The following ASXL3 variants were observed in gnomAD, a reference collection of about 807,000 sequenced individuals.
ASXL3 encodes the protein ASXL transcriptional regulator 3.
In ASXL3, 34 loss-of-function variants were observed where a neutral mutation model predicts 170.6. That is an observed-to-expected ratio of 0.20 (90% CI 0.15 to 0.27). ASXL3 has a LOEUF of 0.27. Ranked by LOEUF, ASXL3 falls within the 10% of genes least tolerant of loss-of-function variation. The probability of loss-of-function intolerance (pLI) is 1.00; values close to 1 mark genes in which losing one functional copy is unlikely to be tolerated. For synonymous variants in ASXL3, 1,002 were observed against 989.1 expected (o/e 1.01, Z -0.24); for missense variants, 2,592 against 2,695.3 (o/e 0.96, Z 0.85).
chr18:33,745,325 A>G lies in ASXL3; in HGVS notation c.5477A>G (p.His1826Arg), dbSNP rs374472933. ...CTCCAAATGAGAAAGCGAGAAAACC[A>G]CCCCAAAAAGAGAGTAGCTAGGACT... ...APLQMRKREN[H>R]PKKRVARTVG... is the part of the protein sequence containing the mutation. Residue 1826 changes from histidine to arginine, a missense_variant, in exon 12 of 12, where the codon CAC (histidine) becomes CGC (arginine). His to Arg is a conservative substitution (Grantham distance 29). Around this residue, in one of 4 missense-constraint regions of ASXL3, gnomAD observed 2,246 missense variants for 2,219.6 expected, o/e 1.01. Transcript: ENST00000269197. The G allele has an allele frequency of 2.5e-6, 4 of 1,613,762 alleles. No individual in the cohort carries two copies. Among genetic ancestry groups the G allele is most frequent in the Non-Finnish European group, 2.5e-6 (3 of 1,179,878 alleles).
chr18:33,637,117 C>A (rs2065780036), intron 2 of ASXL3, among the ~76,000 whole-genome samples: 1 of 152,064 alleles, frequency 6.6e-6, no homozygotes, highest in African/African-American at 2.4e-5. Flanking sequence ...AAAAAGAGAG[C>A]TTTTGCACAT....
intron 2 of ASXL3, among the ~76,000 whole-genome samples, chr18:33,633,536 C>A (rs989933934): frequency 2.0e-5 from 3 of 152,018 alleles, no homozygotes; most frequent in African/African-American, 7.2e-5. Flanking sequence ...TATTTGTAAG[C>A]AGAATATACA....
At position 33,603,549 on chromosome 18, in the gene ASXL3, T is replaced by G. The variant is rs570441043; in HGVS notation, c.55-4045T>G. Among the ~76,000 whole-genome samples, 53 of 152,082 alleles carry G rather than the reference T, an allele frequency of 3.5e-4. No homozygotes were observed. In the South Asian group the frequency reaches 0.01, roughly 29 times the overall value. ...ATAGGCCCTGATAGAGTTAGTTAGATAAGAAGGTGGAATGTAATGGTATGT... is the reference window on the plus strand; with the variant it reads ...ATAGGCCCTGATAGAGTTAGTTAGAGAAGAAGGTGGAATGTAATGGTATGT... On this transcript the variant is annotated intron_variant, in intron 1 of 11. Coordinates refer to ENST00000269197, the MANE Select transcript of ASXL3 (RefSeq NM_030632.3).
Position 33,629,639 on chromosome 18 carries a change from G to A in ASXL3, c.138-15255G>A, listed in dbSNP as rs77351991. On this transcript the variant is annotated intron_variant, in intron 2 of 11. Transcript: ENST00000269197. The stretch of plus-strand genomic sequence containing the variant: ...TTACATTTACATATTCTCCTTTTTC[G>A]TTATTGGAATTGCTCTCTGGAGAGT... Among the ~76,000 whole-genome samples, 912 of 151,752 alleles carry A rather than the reference G, an allele frequency of 6.0e-3. 4 individuals are homozygous for A. The highest frequency in any genetic ancestry group is 9.6e-3 in the Non-Finnish European group (652 of 67,826).
chr18:33,749,532 C>T lies in ASXL3; in HGVS notation c.*2937C>T, dbSNP rs2067851706. The T allele has an allele frequency of 6.6e-6, 1 of 151,834 alleles. No homozygotes were observed. The highest frequency in any genetic ancestry group is 2.4e-5 in the African/African-American group (1 of 41,312). The allele number at this position is 151,834 out of a possible 1,614,324, so 9.4% of individuals were successfully genotyped here. ...AAACTGCTATTCCCTAATCCTCCTCCTATAAGATATGCATATGCCTGAGGT... is the reference window on the plus strand; with the variant it reads ...AAACTGCTATTCCCTAATCCTCCTCTTATAAGATATGCATATGCCTGAGGT... On this transcript the variant is annotated 3_prime_UTR_variant, in exon 12 of 12. Coordinates refer to ENST00000269197, the MANE Select transcript of ASXL3 (RefSeq NM_030632.3).
Position 33,602,577 on chromosome 18 carries a change from A to G in ASXL3, c.55-5017A>G, listed in dbSNP as rs148671365. 4.9e-3 allele frequency among the ~76,000 whole-genome samples: 740 copies of G among 152,256 alleles called. 5 individuals are homozygous for G. The highest frequency in any genetic ancestry group is 7.5e-3 in the Non-Finnish European group (510 of 68,024). The stretch of plus-strand genomic sequence containing the variant: ...AGGGAATGTTAAACATATTAATTCT[A>G]AGTCTTTTGTAATAATGGAAAGCCC... On this transcript the variant is annotated intron_variant, in intron 1 of 11. Transcript: ENST00000269197.
In ASXL3 at chr18:33,745,632, A is replaced by T; in HGVS notation, c.5784A>T (p.Arg1928Ser). The T allele has an allele frequency of 6.2e-7, 1 of 1,613,976 alleles. No homozygotes were observed. Residue 1928 changes from arginine to serine, a missense_variant, in exon 12 of 12, where the codon AGA becomes AGT. By Grantham distance (110) the Arg-to-Ser change is moderately radical. Around this residue, in one of 4 missense-constraint regions of ASXL3, gnomAD observed 2,246 missense variants for 2,219.6 expected, o/e 1.01. Coordinates refer to ENST00000269197, the MANE Select transcript of ASXL3 (RefSeq NM_030632.3). ...ACACTGACGCTGGTACCTCACACAGACAGCAGTTTTACCAAATGCCTGTGG... is the reference window on the plus strand; with the variant it reads ...ACACTGACGCTGGTACCTCACACAGTCAGCAGTTTTACCAAATGCCTGTGG... ...GFHTDAGTSH[R>S]QQFYQMPVAA... is the part of the protein sequence containing the mutation.
rs760654458 is a variant in ASXL3 at position 33,739,837 on chromosome 18, CATA to C, written c.2436_2438del (p.Ile812del). 1.2e-6 allele frequency: 2 copies of C among 1,613,894 alleles called. No homozygotes were observed. The highest frequency in any genetic ancestry group is 1.3e-5 in the African/African-American group (1 of 75,018). ...ATCTGTCTAATACTCCCGAACCCATCATAATGAGTTCTTCTTCCATTGCTCCTG... is the reference window on the plus strand; with the variant it reads ...ATCTGTCTAATACTCCCGAACCCATCATGAGTTCTTCTTCCATTGCTCCTG... On this transcript the variant is annotated inframe_deletion, in exon 11 of 12. Transcript: ENST00000269197.
chr18:33,630,428 A>T (rs2065660667), intron 2 of ASXL3, among the ~76,000 whole-genome samples: 2 of 151,648 alleles, frequency 1.3e-5, no homozygotes, highest in African/African-American at 4.8e-5. Context: ...AAGTATGTTT[A>T]TATGGTAGCA....
At chr18:33,662,824 A>T (rs2066196142) in intron 5 of ASXL3, among the ~76,000 whole-genome samples, 1 of 152,176 alleles carries the variant, frequency 6.6e-6, no homozygotes, top group African/African-American at 2.4e-5. Context: ...GTTTTCTAAA[A>T]TAGAGTTTTT....
At chr18:33,615,266 T>C (rs1387990569) in intron 2 of ASXL3, among the ~76,000 whole-genome samples, 1 of 152,190 alleles carries the variant, frequency 6.6e-6, no homozygotes, top group Non-Finnish European at 1.5e-5. Context: ...GTTATGGAGA[T>C]GGCTTCTTTC....
intron 1 of ASXL3, among the ~76,000 whole-genome samples, chr18:33,592,827 A>G (rs904824973): frequency 2.0e-5 from 3 of 152,146 alleles, no homozygotes; most frequent in Non-Finnish European, 4.4e-5. Context: ...TCTCCATTAC[A>G]TTAAATTGAT....
rs555071852 is a variant in ASXL3 at position 33,616,691 on chromosome 18, GAA to G, written c.137+9017_137+9018del. On this transcript the variant is annotated intron_variant, in intron 2 of 11. Transcript: ENST00000269197. ...TTTTTTCTCACAGTTCTGGAAGACA[GAA>G]AGCCCAGATTAAGGTTGGCAGTGTC... The G allele has an allele frequency of 1.3e-3, 194 of 152,266 alleles. No individual in the cohort carries two copies. The highest frequency in any genetic ancestry group is 4.4e-3 in the African/African-American group (181 of 41,564). 9.4% of individuals were successfully genotyped at this position (152,266 alleles called of 1,614,324 possible).
chr18:33,650,603 G>A (rs1285927628), intron 4 of ASXL3, among the ~76,000 whole-genome samples: 3 of 152,106 alleles, frequency 2.0e-5, no homozygotes, highest in Non-Finnish European at 4.4e-5. Flanking sequence ...GATAGCATGA[G>A]AGCACTCAGC....
At chr18:33,695,812 T>A (rs1252454228) in intron 8 of ASXL3, among the ~76,000 whole-genome samples, 1 of 152,168 alleles carries the variant, frequency 6.6e-6, no homozygotes, top group Non-Finnish European at 1.5e-5. Context: ...TTTGTCCATG[T>A]ATAATCCACT....
chr18:33,629,466 T>A (rs1446181180), intron 2 of ASXL3, among the ~76,000 whole-genome samples: 1 of 152,150 alleles, frequency 6.6e-6, no homozygotes, highest in African/African-American at 2.4e-5. Flanking sequence ...TTTATCCTTT[T>A]GTTACGTAAA....
At chr18:33,724,360 A>G (rs1167432477) in intron 8 of ASXL3, among the ~76,000 whole-genome samples, 1 of 152,008 alleles carries the variant, frequency 6.6e-6, no homozygotes, top group Non-Finnish European at 1.5e-5. Flanking sequence ...TTTTGTCACT[A>G]TTTATTCTGA....
chr18:33,603,862 G>T (rs999745342), intron 1 of ASXL3, among the ~76,000 whole-genome samples: 1 of 152,012 alleles, frequency 6.6e-6, no homozygotes, highest in African/African-American at 2.4e-5. Context: ...AAGAAAGAAA[G>T]GACATTTTAT....
intron 7 of ASXL3, among the ~76,000 whole-genome samples, chr18:33,677,761 C>T (rs964015256): frequency 6.6e-6 from 1 of 152,178 alleles, no homozygotes; most frequent in Non-Finnish European, 1.5e-5. Context: ...AGACTTTTTA[C>T]ACAATTTCTT....
Sources: gnomAD v4.1 joint callset for allele counts (sites outside exome capture counted in the v4.1 genomes callset) on GRCh38, gnomAD v4.1.1 for gene constraint, gnomAD v4.1.1 regional missense constraint, MANE v1.5 for transcripts, NCBI Gene and HGNC (gene_info 2026-07-23, HGNC 2026-07-21) for gene names.